Variants in ESYT2 observed in about 807,000 individuals in gnomAD.
The protein encoded by ESYT2 is extended synaptotagmin 2, also known as extended synaptotagmin-2.
In ESYT2, 54 loss-of-function variants were observed where a neutral mutation model predicts 107.2. The ratio of observed to expected loss-of-function variants is 0.50; its 90% CI spans 0.40 to 0.63. ESYT2 has a LOEUF of 0.63. Among genes scored for constraint, ESYT2 ranks in the 30% least tolerant of loss-of-function variants. The pLI is 0.00. For missense variants in ESYT2, 1,020 were observed against 1,094.5 expected, an observed-to-expected ratio of 0.93 and a Z score of 0.96; for synonymous variants, 491 against 434.1, an observed-to-expected ratio of 1.13 and a Z score of -1.63.
At chr7:158,750,737 C>T (rs936078658) in intron 14 of ESYT2, among the ~76,000 whole-genome samples, 1 of 152,082 alleles carries the variant, frequency 6.6e-6, no homozygotes, top group Non-Finnish European at 1.5e-5. Context: ...CTCCTTTTTC[C>T]TTTAATATTA....
intron 1 of ESYT2, among the ~76,000 whole-genome samples, chr7:158,824,437 C>T (rs901690249): frequency 1.2e-4 from 18 of 152,176 alleles, no homozygotes; most frequent in African/African-American, 4.3e-4. Flanking sequence ...AAAATATTTG[C>T]CCTTTCTTTA....
At chr7:158,770,376 C>T (rs988613896) in intron 7 of ESYT2, among the ~76,000 whole-genome samples, 1 of 151,034 alleles carries the variant, frequency 6.6e-6, no homozygotes, top group Non-Finnish European at 1.5e-5. Flanking sequence ...TTATATATAC[C>T]TATATATATA....
In ESYT2 at chr7:158,829,408, G is replaced by T. The variant is rs1300135682; in HGVS notation, c.11C>A (p.Ala4Asp). Residue 4 changes from alanine (A) to aspartate (D), a missense_variant, in exon 1 of 23, where the codon GCC becomes GAC. Physicochemically the swap from Ala to Asp is moderately radical, Grantham distance 126. Transcript: ENST00000275418. The stretch of plus-strand genomic sequence containing the variant: ...GCCCGCCTCCGGGCCCTCGCCCCGG[G>T]CGCCGCTCATCGCCCCGCAGTGCCG... MSG[A>D]RGEGPEAGAG... The T allele has an allele frequency of 3.3e-6, 4 of 1,200,942 alleles. No individual in the cohort carries two copies. In the African/African-American group the frequency reaches 4.8e-5, roughly 14 times the overall value. 74.4% of individuals were successfully genotyped at this position (1,200,942 alleles called of 1,614,324 possible).
At chr7:158,788,804 T>G (rs1449260181) in intron 4 of ESYT2, among the ~76,000 whole-genome samples, 1 of 152,270 alleles carries the variant, frequency 6.6e-6, no homozygotes, top group Non-Finnish European at 1.5e-5. Flanking sequence ...ATCTGATGTT[T>G]AAACATTAAA....
chr7:158,741,471 G>GT (rs771484515), intron 18 of ESYT2, 52 bp downstream of exon 18: 98 of 1,221,244 alleles, frequency 8.0e-5, no homozygotes, highest in Non-Finnish European at 1.0e-4. Flanking sequence ...CCAGCGTGGG[G>GT]TGGGGGGCGC....
chr7:158,805,970 G>A (rs1202616131), intron 1 of ESYT2, among the ~76,000 whole-genome samples: 1 of 152,206 alleles, frequency 6.6e-6, no homozygotes, highest in Non-Finnish European at 1.5e-5. Flanking sequence ...GCCACGAAAG[G>A]AATGACGGCT....
chr7:158,766,663 GA>G (rs1243193928), intron 8 of ESYT2, among the ~76,000 whole-genome samples: 1 of 152,126 alleles, frequency 6.6e-6, no homozygotes, highest in Admixed American at 6.5e-5. Flanking sequence ...AAGGCATCAG[GA>G]GAAAGCGATC....
chr7:158,760,635 G>A (rs530328033), intron 11 of ESYT2, among the ~76,000 whole-genome samples: 12 of 152,240 alleles, frequency 7.9e-5, no homozygotes, highest in African/African-American at 2.4e-4. Context: ...GGCCTTTAAC[G>A]GAATGTACAG....
In ESYT2 at chr7:158,798,070, T is replaced by C. The variant is rs369390726; in HGVS notation, c.379A>G (p.Lys127Glu). 6.2e-7 allele frequency: 1 copy of C among 1,613,956 alleles called. No homozygotes were observed. The highest frequency in any genetic ancestry group is 8.5e-7 in the Non-Finnish European group (1 of 1,180,014). The change falls in exon 3 of 23, where the codon AAA becomes GAA. Residue 127 changes from lysine to glutamate, a missense_variant. Physicochemically the swap from Lys to Glu is moderately conservative, Grantham distance 56. Coordinates refer to ENST00000275418, the MANE Select transcript of ESYT2 (RefSeq NM_001367773.1). ...ERAEWLNKTV[K>E]HMWPFICQFI... Reference sequence around the variant, plus strand: ...TGGCAAATGAAAGGCCACATGTGTTTTACAGTCTGGAAAGGAAAAAGAACT... The same window carrying C: ...TGGCAAATGAAAGGCCACATGTGTTCTACAGTCTGGAAAGGAAAAAGAACT...
intron 1 of ESYT2, among the ~76,000 whole-genome samples, chr7:158,828,043 C>T (rs1294805823): frequency 6.6e-6 from 1 of 152,172 alleles, no homozygotes; most frequent in Non-Finnish European, 1.5e-5. Context: ...TCCAAAACTT[C>T]CTGCCACACA....
chr7:158,746,880 A>G (rs1837419026), intron 16 of ESYT2, among the ~76,000 whole-genome samples: 1 of 151,768 alleles, frequency 6.6e-6, no homozygotes, highest in African/African-American at 2.4e-5. Flanking sequence ...AAATAAAATA[A>G]TTCTCTACAA....
chr7:158,743,286 GC>G (rs1837275498), intron 17 of ESYT2, among the ~76,000 whole-genome samples: 3 of 152,162 alleles, frequency 2.0e-5, no homozygotes, highest in African/African-American at 7.2e-5. Flanking sequence ...GTAGCCGTGG[GC>G]CTGCTCGGGC....
intron 13 of ESYT2, among the ~76,000 whole-genome samples, chr7:158,756,856 C>A (rs926105983): frequency 6.7e-6 from 1 of 148,876 alleles, no homozygotes; most frequent in Non-Finnish European, 1.5e-5. Context: ...TTGCAGTGAG[C>A]CGAGACCATG....
intron 6 of ESYT2, among the ~76,000 whole-genome samples, chr7:158,781,585 G>A (rs1403593731): frequency 2.0e-5 from 3 of 151,754 alleles, no homozygotes; most frequent in Non-Finnish European, 4.4e-5. Flanking sequence ...AGTGTGAGAG[G>A]TTTGAGTATA....
chr7:158,805,783 G>A (rs769705603), intron 1 of ESYT2, among the ~76,000 whole-genome samples: 20 of 152,110 alleles, frequency 1.3e-4, no homozygotes, highest in Non-Finnish European at 2.2e-4. Context: ...AATTTCACTA[G>A]GAAATCCGAA....
chr7:158,738,360 C>G (rs1480161167), intron 19 of ESYT2, among the ~76,000 whole-genome samples: 3 of 149,592 alleles, frequency 2.0e-5, no homozygotes, highest in Non-Finnish European at 4.4e-5. Context: ...CACACACACA[C>G]ACACACACAC....
intron 16 of ESYT2, 83 bp downstream of exon 16, chr7:158,748,111 C>CTA: frequency 7.8e-7 from 1 of 1,277,848 alleles, no homozygotes. Context: ...CAGGTGTATA[C>CTA]ACGGGTCACA....
chr7:158,808,527 A>C (rs1839899548), intron 1 of ESYT2, among the ~76,000 whole-genome samples: 1 of 152,272 alleles, frequency 6.6e-6, no homozygotes. Flanking sequence ...TTCTCGACTT[A>C]CTAAGTATCA....
chr7:158,752,903 T>C (rs1041904051), intron 13 of ESYT2, 60 bp from the exon 14 acceptor site: 2 of 1,134,790 alleles, frequency 1.8e-6, no homozygotes, highest in Admixed American at 2.4e-5. Flanking sequence ...ATGAAGTTTA[T>C]GTAAGGTTAA....
Sources: gnomAD v4.1 joint callset for allele counts (sites outside exome capture counted in the v4.1 genomes callset) on GRCh38, gnomAD v4.1.1 for gene constraint, MANE v1.5 for transcripts, NCBI Gene and HGNC (gene_info 2026-07-23, HGNC 2026-07-21) for gene names.